Variants in ZC3H7B observed in about 807,000 individuals in gnomAD.
ZC3H7B encodes zinc finger CCCH domain-containing protein 7B.
Under a neutral mutation model 116.0 loss-of-function variants are expected in ZC3H7B, and 35 were observed. The observed-to-expected ratio is 0.30, with a 90% confidence interval of 0.23 to 0.40. The LOEUF is 0.40. Ranked by LOEUF, ZC3H7B falls within the 10% of genes least tolerant of loss-of-function variation. The pLI is 1.00. For missense variants in ZC3H7B, 1,011 were observed against 1,321.5 expected, an observed-to-expected ratio of 0.77 and a Z score of 3.64; for synonymous variants, 502 against 545.6, an observed-to-expected ratio of 0.92 and a Z score of 1.11.
chr22:41,321,603 A>G (rs1389938375), intron 2 of ZC3H7B, among the ~76,000 whole-genome samples: 1 of 152,008 alleles, frequency 6.6e-6, no homozygotes, highest in Non-Finnish European at 1.5e-5. Context: ...CTCCTGCCTC[A>G]GCCTCCCAAA....
chr22:41,349,220 T>C lies in ZC3H7B; in HGVS notation c.1867T>C (p.Tyr623His), dbSNP rs2036627157. 6.2e-7 allele frequency: 1 copy of C among 1,613,650 alleles called. No individual in the cohort carries two copies. Among genetic ancestry groups the C allele is most frequent in the Non-Finnish European group, 8.5e-7 (1 of 1,180,000 alleles). Residue 623 changes from tyrosine to histidine, a missense_variant, in exon 16 of 23, where the codon TAC becomes CAC. By Grantham distance (83) the Tyr-to-His change is moderately conservative. Around this residue, in one of 5 missense-constraint regions of ZC3H7B, gnomAD observed 406 missense variants for 590.2 expected, o/e 0.69. Coordinates refer to ENST00000352645, the MANE Select transcript of ZC3H7B (RefSeq NM_017590.6). The surrounding 1 kb of genome is among the most constrained non-coding windows in gnomAD (Gnocchi z 4.9). ...CGACGTGTGCCGCCATGAGGTGCGC[T>C]ACGGCTGCCTGCGGGAGGACAGCTG... ...QFDVCRHEVR[Y>H]GCLREDSCHF...
In ZC3H7B at chr22:41,349,326, AG is replaced by A; in HGVS notation, c.1948+28del. 1 of 1,608,962 alleles carries A rather than the reference AG, an allele frequency of 6.2e-7. No individual in the cohort carries two copies. Among genetic ancestry groups the A allele is most frequent in the East Asian group, 2.2e-5 (1 of 44,750 alleles). On this transcript the variant is annotated intron_variant, in intron 16 of 22. Transcript: ENST00000352645. This position sits in a 1 kb window ranked among gnomAD's most constrained non-coding sequence, Gnocchi z 4.9. ...GGTGAGGGGCAGGCGGTGCAGGTGG[AG>A]GGCAGGTGACTCAGGTGAGGGGTAG... is the stretch of plus-strand genomic sequence containing the variant.
At chr22:41,320,606 G>A in intron 1 of ZC3H7B, 49 bp from the exon 2 acceptor site, 2 of 1,608,666 alleles carry the variant, frequency 1.2e-6, no homozygotes, top group South Asian at 2.2e-5. Context: ...GTGGCTGACG[G>A]CAGCCTGGCT....
chr22:41,305,437 G>T (rs1043016474), intron 1 of ZC3H7B, among the ~76,000 whole-genome samples: 2 of 151,738 alleles, frequency 1.3e-5, no homozygotes, highest in East Asian at 1.9e-4. Flanking sequence ...TTGAACCTGG[G>T]GGGTGGAGGT....
intron 17 of ZC3H7B, among the ~76,000 whole-genome samples, chr22:41,354,969 G>T (rs1380813535): frequency 6.6e-6 from 1 of 152,188 alleles, no homozygotes; most frequent in Non-Finnish European, 1.5e-5. Flanking sequence ...CTACAGGTTC[G>T]GCACTCATAG....
chr22:41,356,217 C>T (rs2058905381), intron 20 of ZC3H7B, 126 bp from the exon 21 acceptor site: 7 of 1,526,674 alleles, frequency 4.6e-6, no homozygotes, highest in Admixed American at 2.0e-5. Flanking sequence ...TGAGGCCAGG[C>T]CCTGAGGCTG....
At chr22:41,330,196 GC>G in intron 6 of ZC3H7B, 93 bp downstream of exon 6, 1 of 1,371,244 alleles carries the variant, frequency 7.3e-7, no homozygotes, top group Non-Finnish European at 1.0e-6. Flanking sequence ...GGTGAGGGTG[GC>G]CAGGGCTGGG....
Position 41,330,019 on chromosome 22 carries a change from G to A in ZC3H7B, c.445-4G>A, listed in dbSNP as rs1367636074. The A allele has an allele frequency of 6.2e-7, 1 of 1,613,718 alleles. No individual in the cohort carries two copies. The highest frequency in any genetic ancestry group is 1.1e-5 in the South Asian group (1 of 91,070). Reference sequence around the variant, plus strand: ...CCCACCGCCCTGTGTCTTGTCCTCTGCAGGATGAAAGCGTGACTCAGCTTG... The same window carrying A: ...CCCACCGCCCTGTGTCTTGTCCTCTACAGGATGAAAGCGTGACTCAGCTTG... On this transcript the variant is annotated splice_polypyrimidine_tract_variant and splice_region_variant and intron_variant, in intron 5 of 22. Coordinates refer to ENST00000352645, the MANE Select transcript of ZC3H7B (RefSeq NM_017590.6).
At chr22:41,320,837 G>T (rs2036246617) in intron 2 of ZC3H7B, 124 bp downstream of exon 2, 2 of 1,353,726 alleles carry the variant, frequency 1.5e-6, no homozygotes, top group Non-Finnish European at 2.1e-6. Flanking sequence ...TCCTGTGTGC[G>T]CTGGGGTGCG....
rs371818075 is a variant in ZC3H7B, at chr22:41,312,138, CAG to C, written c.-6-8514_-6-8513del. On this transcript the variant is annotated intron_variant, in intron 1 of 22. Transcript: ENST00000352645. ...TGCCACTGCACTCCAGCTTGGGTGACAGAGCGAGACTCCGTCTCAAAAAAAAA... is the reference window on the plus strand; with the variant it reads ...TGCCACTGCACTCCAGCTTGGGTGACAGCGAGACTCCGTCTCAAAAAAAAA... Among the ~76,000 whole-genome samples, 934 of 127,744 alleles carry C rather than the reference CAG, an allele frequency of 7.3e-3. 8 individuals carry two copies. Among genetic ancestry groups the C allele is most frequent in the African/African-American group, 0.027 (881 of 33,052 alleles). The allele number at this position is 127,744 out of a possible 152,430, so 83.8% of individuals were successfully genotyped here.
Position 41,346,040 on chromosome 22 carries a change from C to G in ZC3H7B, c.1497C>G (p.Asn499Lys). Residue 499 changes from asparagine to lysine, a missense_variant, in exon 14 of 23, where the codon AAC becomes AAG. By Grantham distance (94) the Asn-to-Lys change is moderately conservative. Transcript: ENST00000352645. This position sits in a 1 kb window ranked among gnomAD's most constrained non-coding sequence, Gnocchi z 5.3. ...AGCAGGACTGTAAGTACGGGGATAA[C>G]TGCACCTTCGCCTACCATCAGGAGG... ...INKQDCKYGD[N>K]CTFAYHQEEI... The G allele has an allele frequency of 6.2e-7, 1 of 1,614,134 alleles. No homozygotes were observed. The highest frequency in any genetic ancestry group is 8.5e-7 in the Non-Finnish European group (1 of 1,180,022).
intron 6 of ZC3H7B, 38 bp from the exon 7 acceptor site, chr22:41,332,133 A>C: frequency 6.2e-7 from 1 of 1,612,650 alleles, no homozygotes; most frequent in Non-Finnish European, 8.5e-7. Context: ...TCTTTTCAGA[A>C]TCTTTACCTC....
intron 14 of ZC3H7B, among the ~76,000 whole-genome samples, chr22:41,347,716 T>C (rs1224833694): frequency 1.3e-5 from 2 of 152,146 alleles, no homozygotes. Flanking sequence ...ACAGGGAGCA[T>C]TGGCCTGGGA....
At chr22:41,321,007 A>C (rs1264686856) in intron 2 of ZC3H7B, among the ~76,000 whole-genome samples, 1 of 152,162 alleles carries the variant, frequency 6.6e-6, no homozygotes, top group African/African-American at 2.4e-5. Flanking sequence ...GCATGACTGC[A>C]CGAGTTTTCT....
Position 41,354,210 on chromosome 22 carries a change from G to A in ZC3H7B, c.2035-1259G>A, listed in dbSNP as rs146571143. On this transcript the variant is annotated intron_variant, in intron 17 of 22. Coordinates refer to ENST00000352645, the MANE Select transcript of ZC3H7B (RefSeq NM_017590.6). Reference sequence around the variant, plus strand: ...ATACCCTCGGTGCCCCCTTTATCTCGCCCAAGAAATGGTAATAATGCCTTC... The same window carrying A: ...ATACCCTCGGTGCCCCCTTTATCTCACCCAAGAAATGGTAATAATGCCTTC... 5.7e-3 allele frequency among the ~76,000 whole-genome samples: 861 copies of A among 152,254 alleles called. 7 individuals are homozygous for A. The highest frequency in any genetic ancestry group is 0.02 in the Middle Eastern group (6 of 294).
At chr22:41,306,851 GA>G (rs996811771) in intron 1 of ZC3H7B, among the ~76,000 whole-genome samples, 2 of 152,118 alleles carry the variant, frequency 1.3e-5, no homozygotes, top group African/African-American at 4.8e-5. Context: ...CCTCAGGGGA[GA>G]CCTGAGGTTA....
At chr22:41,342,434 G>T (rs534366276) in intron 11 of ZC3H7B, 95 bp from the exon 12 acceptor site, 3 of 1,167,096 alleles carry the variant, frequency 2.6e-6, no homozygotes, top group African/African-American at 3.0e-5. Flanking sequence ...GGATAGGGGG[G>T]TCATAGAGCA....
intron 1 of ZC3H7B, among the ~76,000 whole-genome samples, chr22:41,319,245 C>T (rs1601768985): frequency 6.6e-6 from 1 of 151,882 alleles, no homozygotes; most frequent in African/African-American, 2.4e-5. Flanking sequence ...ACTAAAAATA[C>T]AAAAAATTAG....
At chr22:41,345,882 G>A in intron 13 of ZC3H7B, 121 bp from the exon 14 acceptor site, 1 of 983,162 alleles carries the variant, frequency 1.0e-6, no homozygotes. Context: ...CTGTGTTGGG[G>A]TGGAGCGAAG....
Sources: gnomAD v4.1 joint callset for allele counts (sites outside exome capture counted in the v4.1 genomes callset) on GRCh38, gnomAD v4.1.1 for gene constraint, gnomAD v4.1.1 regional missense constraint, Gnocchi (gnomAD v3.1) non-coding constraint, MANE v1.5 for transcripts, NCBI Gene and HGNC (gene_info 2026-07-23, HGNC 2026-07-21) for gene names.